Variants in HS6ST3 observed in about 807,000 individuals in gnomAD.
The protein encoded by HS6ST3 is heparan-sulfate 6-O-sulfotransferase 3.
HS6ST3 carries 12 observed loss-of-function variants against 36.7 expected under a neutral mutation model. That is an observed-to-expected ratio of 0.33 (90% CI 0.21 to 0.53). HS6ST3 has a LOEUF of 0.53. HS6ST3 is among the 20% of genes least tolerant of loss of function. The probability of loss-of-function intolerance (pLI) is 0.95; values close to 1 mark genes in which losing one functional copy is unlikely to be tolerated. For missense variants in HS6ST3, 584 were observed against 640.9 expected (o/e 0.91, Z 0.96); for synonymous variants, 240 against 257.5 (o/e 0.93, Z 0.65).
intron 1 of HS6ST3, among the ~76,000 whole-genome samples, chr13:96,263,277 T>A (rs750054104): frequency 1.3e-5 from 2 of 152,188 alleles, no homozygotes; most frequent in Non-Finnish European, 2.9e-5. Flanking sequence ...AAAGTTTCAA[T>A]ATAGTTTTCT....
intron 1 of HS6ST3, among the ~76,000 whole-genome samples, chr13:96,123,017 A>G (rs964365584): frequency 1.1e-4 from 16 of 152,090 alleles, no homozygotes; most frequent in African/African-American, 3.6e-4. Context: ...GCATAGTTTT[A>G]CCCTAGGACT....
intron 1 of HS6ST3, among the ~76,000 whole-genome samples, chr13:96,829,139 T>C (rs1462744765): frequency 1.3e-5 from 2 of 152,230 alleles, no homozygotes; most frequent in East Asian, 3.9e-4. Context: ...ACCATTCCTT[T>C]GAAATCAATG....
intron 1 of HS6ST3, among the ~76,000 whole-genome samples, chr13:96,759,147 A>C (rs1434548434): frequency 6.6e-6 from 1 of 151,824 alleles, no homozygotes; most frequent in Non-Finnish European, 1.5e-5. Context: ...ATGGTAAATC[A>C]CTTTCCCTCT....
chr13:96,729,181 G>C (rs949628611), intron 1 of HS6ST3, among the ~76,000 whole-genome samples: 2 of 152,152 alleles, frequency 1.3e-5, no homozygotes, highest in Non-Finnish European at 2.9e-5. Context: ...GGAGTGTGGG[G>C]AAGGGTGTTT....
At chr13:96,405,593 G>C (rs1386910493) in intron 1 of HS6ST3, among the ~76,000 whole-genome samples, 1 of 152,136 alleles carries the variant, frequency 6.6e-6, no homozygotes, top group Non-Finnish European at 1.5e-5. Flanking sequence ...TCTTGATAGA[G>C]TGCTACAAAC....
At chr13:96,113,270 G>C (rs2053879212) in intron 1 of HS6ST3, among the ~76,000 whole-genome samples, 1 of 152,120 alleles carries the variant, frequency 6.6e-6, no homozygotes, top group Non-Finnish European at 1.5e-5. Context: ...ACTATCTATG[G>C]GGAGAAGCCA....
intron 1 of HS6ST3, among the ~76,000 whole-genome samples, chr13:96,221,327 G>C (rs2054454267): frequency 6.6e-6 from 1 of 152,172 alleles, no homozygotes; most frequent in Admixed American, 6.5e-5. Flanking sequence ...GTTGCTGTGT[G>C]ATCCCTACCC....
intron 1 of HS6ST3, among the ~76,000 whole-genome samples, chr13:96,362,764 A>G (rs1450603167): frequency 6.6e-6 from 1 of 152,240 alleles, no homozygotes; most frequent in Non-Finnish European, 1.5e-5. Flanking sequence ...ATGGGTTAAT[A>G]GTTAAACAAT....
chr13:96,124,685 T>C (rs1389214811), intron 1 of HS6ST3, among the ~76,000 whole-genome samples: 8 of 152,202 alleles, frequency 5.3e-5, no homozygotes, highest in African/African-American at 1.9e-4. Context: ...AAGAATATTT[T>C]GCTGATGTAA....
Position 96,782,356 on chromosome 13 carries a change from A to G in HS6ST3, c.708-50134A>G, listed in dbSNP as rs542644728. Among the ~76,000 whole-genome samples, 131 of 152,288 alleles carry G rather than the reference A, an allele frequency of 8.6e-4. No individual in the cohort carries two copies. The Middle Eastern group carries it at 0.01, about 12-fold the overall frequency. On this transcript the variant is annotated intron_variant, in intron 1 of 1. Transcript: ENST00000376705. ...ACACATCAGACCAGTGCTAAGTAAG[A>G]TAACTTTTCTTTGTTCCTAATCGGG...
intron 1 of HS6ST3, among the ~76,000 whole-genome samples, chr13:96,348,280 A>G (rs9513122): frequency 0.32 from 47,935 of 152,148 alleles, 8,481 homozygotes; most frequent in Non-Finnish European, 0.4. Context: ...AAGGTGTAAC[A>G]TTCAAAATTC....
rs56363761 is a variant in HS6ST3, at chr13:96,304,679, TTTTCTTTCTTTC to T, written c.707+213134_707+213145del. 2.7e-3 allele frequency among the ~76,000 whole-genome samples: 238 copies of T among 87,006 alleles called. 3 individuals are homozygous for T. Among genetic ancestry groups the T allele is most frequent in the East Asian group, 0.011 (34 of 2,958 alleles). The allele number at this position is 87,006 out of a possible 152,430, so 57.1% of individuals were successfully genotyped here. On this transcript the variant is annotated intron_variant, in intron 1 of 1. Transcript: ENST00000376705. The stretch of plus-strand genomic sequence containing the variant: ...CTACATGAGAATCACTGTTGCATGT[TTTTCTTTCTTTC>T]TTTCTTTCTTTCTTTCTTTCTTTTT...
intron 1 of HS6ST3, among the ~76,000 whole-genome samples, chr13:96,806,894 C>A (rs1878208107): frequency 6.6e-6 from 1 of 152,162 alleles, no homozygotes; most frequent in Admixed American, 6.5e-5. Context: ...TCACCTGGGA[C>A]AACTGCCTGT....
At chr13:96,658,268 C>CTTCTTCTTTTTTTTTTTTT in intron 1 of HS6ST3, among the ~76,000 whole-genome samples, 1 of 76,190 alleles carries the variant, frequency 1.3e-5, no homozygotes, top group Non-Finnish European at 2.4e-5. Flanking sequence ...TCTTCTTCTT[C>CTTCTTCTTTTTTTTTTTTT]TTTTTTTTTT....
intron 1 of HS6ST3, among the ~76,000 whole-genome samples, chr13:96,413,621 T>G (rs1361267565): frequency 1.3e-5 from 2 of 152,210 alleles, no homozygotes; most frequent in Admixed American, 6.5e-5. Flanking sequence ...ACTACATGTT[T>G]TGTTTTACTT....
intron 1 of HS6ST3, among the ~76,000 whole-genome samples, chr13:96,475,582 A>G (rs1385635410): frequency 6.6e-6 from 1 of 151,566 alleles, no homozygotes; most frequent in Non-Finnish European, 1.5e-5. Context: ...AGCTCTGAGA[A>G]ACTAGCTGCA....
chr13:96,409,255 A>C (rs922052854), intron 1 of HS6ST3, among the ~76,000 whole-genome samples: 3 of 152,254 alleles, frequency 2.0e-5, no homozygotes, highest in Non-Finnish European at 4.4e-5. Flanking sequence ...AAATAGTAGC[A>C]TGCTACTCCA....
chr13:96,265,330 A>G lies in HS6ST3; in HGVS notation c.707+173761A>G, dbSNP rs560035885. 2.0e-4 allele frequency among the ~76,000 whole-genome samples: 31 copies of G among 152,148 alleles called. 2 individuals are homozygous for G. The highest frequency in any genetic ancestry group is 5.2e-4 in the Admixed American group (8 of 15,264). On this transcript the variant is annotated intron_variant, in intron 1 of 1. Coordinates refer to ENST00000376705, the MANE Select transcript of HS6ST3 (RefSeq NM_153456.4). ...GCTGGGACTACAGGCACGTAACACC[A>G]TGCCCAGCTAATTAAAAATTTTCTT...
At chr13:96,651,511 C>T (rs546567748) in intron 1 of HS6ST3, among the ~76,000 whole-genome samples, 9 of 152,152 alleles carry the variant, frequency 5.9e-5, no homozygotes, top group South Asian at 4.1e-4. Context: ...ATGAATCAAG[C>T]GGCCATCCAT....
Sources: gnomAD v4.1 joint callset for allele counts (sites outside exome capture counted in the v4.1 genomes callset) on GRCh38, gnomAD v4.1.1 for gene constraint, MANE v1.5 for transcripts, NCBI Gene and HGNC (gene_info 2026-07-23, HGNC 2026-07-21) for gene names.